Variants in SH3GL1 observed in about 807,000 individuals in gnomAD.
The protein encoded by SH3GL1 is endophilin-A2.
SH3GL1 carries 21 observed loss-of-function variants against 48.8 expected under a neutral mutation model. That is an observed-to-expected ratio of 0.43 (90% CI 0.30 to 0.62). The LOEUF (loss-of-function observed/expected upper bound fraction) is 0.62. Ranked by LOEUF, SH3GL1 falls within the 20% of genes least tolerant of loss-of-function variation. SH3GL1 has a pLI of 0.11. For synonymous variants in SH3GL1, 282 were observed against 217.5 expected, an observed-to-expected ratio of 1.30 and a Z score of -2.61; for missense variants, 454 against 503.0, an observed-to-expected ratio of 0.90 and a Z score of 0.93.
At chr19:4,361,821 G>A (rs1568405073) in intron 9 of SH3GL1, 25 bp from the exon 10 acceptor site, 5 of 1,540,702 alleles carry the variant, frequency 3.2e-6, no homozygotes, top group Non-Finnish European at 2.7e-6. Context: ...GGGCTGTGGG[G>A]CTGGGGCTGC....
intron 1 of SH3GL1, among the ~76,000 whole-genome samples, chr19:4,388,716 G>A (rs1437247047): frequency 6.6e-6 from 1 of 152,242 alleles, no homozygotes; most frequent in Non-Finnish European, 1.5e-5. Context: ...GCCCAGCCGG[G>A]CAGCAGCAGG....
intron 1 of SH3GL1, among the ~76,000 whole-genome samples, chr19:4,374,276 G>A (rs1048875805): frequency 6.6e-6 from 1 of 152,216 alleles, no homozygotes; most frequent in Non-Finnish European, 1.5e-5. Context: ...AAATTGCTCA[G>A]CGGTGGCCAC....
At chr19:4,375,011 C>T (rs1348521356) in intron 1 of SH3GL1, among the ~76,000 whole-genome samples, 1 of 152,186 alleles carries the variant, frequency 6.6e-6, no homozygotes, top group Admixed American at 6.5e-5. Flanking sequence ...AGCCCTGGGG[C>T]TCCCATCACC....
rs534341506 is a variant in SH3GL1 at position 4,396,261 on chromosome 19, T to C, written c.45+4063A>G. ...AAAATACAAAAAAATTAGCGGGGCA[T>C]GGTGGTGGGTGCCTGTAATCGCAGC... On this transcript the variant is annotated intron_variant, in intron 1 of 9. Transcript: ENST00000269886. 3.2e-4 allele frequency among the ~76,000 whole-genome samples: 48 copies of C among 151,978 alleles called. 1 individual carries two copies. Among genetic ancestry groups the C allele is most frequent in the African/African-American group, 1.1e-3 (46 of 41,458 alleles).
chr19:4,391,061 G>A (rs1973329125), intron 1 of SH3GL1, among the ~76,000 whole-genome samples: 1 of 152,234 alleles, frequency 6.6e-6, no homozygotes, highest in Non-Finnish European at 1.5e-5. Flanking sequence ...TGGACACAGA[G>A]ACACAGGCAG....
chr19:4,365,149 T>A (rs1433420002), intron 4 of SH3GL1, among the ~76,000 whole-genome samples: 1 of 152,040 alleles, frequency 6.6e-6, no homozygotes, highest in African/African-American at 2.4e-5. Flanking sequence ...TCCGAATCGA[T>A]GCTGGACGTT....
intron 1 of SH3GL1, among the ~76,000 whole-genome samples, chr19:4,368,333 A>G (rs1257420042): frequency 6.6e-6 from 1 of 152,132 alleles, no homozygotes; most frequent in Non-Finnish European, 1.5e-5. Flanking sequence ...GGAGGAAGTG[A>G]CCCAAGAGCA....
At position 4,369,728 on chromosome 19, in the gene SH3GL1, G is replaced by C. The variant is rs567989494; in HGVS notation, c.46-2734C>G. ...AACCCCCACAACCGCCTGACTCCTC[G>C]CACCCCTGACACCCGGGAGGCTGTG... On this transcript the variant is annotated intron_variant, in intron 1 of 9. Coordinates refer to ENST00000269886, the MANE Select transcript of SH3GL1 (RefSeq NM_003025.4). Among the ~76,000 whole-genome samples the C allele has an allele frequency of 1.5e-3, 230 of 152,304 alleles. 2 individuals are homozygous for C. Among genetic ancestry groups the C allele is most frequent in the African/African-American group, 5.2e-3 (218 of 41,568 alleles).
intron 1 of SH3GL1, among the ~76,000 whole-genome samples, chr19:4,397,533 A>G (rs545941178): frequency 1.6e-4 from 24 of 152,322 alleles, no homozygotes; most frequent in African/African-American, 5.5e-4. Context: ...GGTGGCTTCC[A>G]GAGACCTGTC....
chr19:4,386,501 CTTT>C (rs960946256), intron 1 of SH3GL1, among the ~76,000 whole-genome samples: 5 of 130,814 alleles, frequency 3.8e-5, no homozygotes, highest in Non-Finnish European at 4.9e-5. Context: ...TTCTTTTTCA[CTTT>C]TTTTTTTTTT....
intron 1 of SH3GL1, among the ~76,000 whole-genome samples, chr19:4,369,873 G>A (rs1049032334): frequency 1.3e-5 from 2 of 152,222 alleles, no homozygotes; most frequent in Non-Finnish European, 2.9e-5. Flanking sequence ...TCTCTCCAAG[G>A]CTTATGGGCT....
Position 4,361,537 on chromosome 19 carries a change from A to G in SH3GL1, c.*63T>C, listed in dbSNP as rs1164366931. 5 of 1,295,816 alleles carry G rather than the reference A, an allele frequency of 3.9e-6. No homozygotes were observed. The highest frequency in any genetic ancestry group is 5.4e-6 in the Non-Finnish European group (5 of 929,958). The allele number at this position is 1,295,816 out of a possible 1,614,324, so 80.3% of individuals were successfully genotyped here. ...TGGCAGCAGGGGCTCCGTGGAATGC[A>G]GGAGACCCAGCAGGGGGTGCCGGCC... On this transcript the variant is annotated 3_prime_UTR_variant, in exon 10 of 10. Transcript: ENST00000269886.
intron 1 of SH3GL1, among the ~76,000 whole-genome samples, chr19:4,372,153 A>T (rs1972915682): frequency 6.6e-6 from 1 of 152,200 alleles, no homozygotes; most frequent in Non-Finnish European, 1.5e-5. Context: ...CCCAGGACAA[A>T]GCATGGGTTG....
chr19:4,387,816 G>A (rs573994563), intron 1 of SH3GL1, among the ~76,000 whole-genome samples: 2 of 151,992 alleles, frequency 1.3e-5, no homozygotes, highest in East Asian at 1.9e-4. Flanking sequence ...CCCGAGTAGC[G>A]GGGATTACAG....
At chr19:4,383,906 T>A (rs1271052607) in intron 1 of SH3GL1, among the ~76,000 whole-genome samples, 1 of 152,194 alleles carries the variant, frequency 6.6e-6, no homozygotes, top group Non-Finnish European at 1.5e-5. Flanking sequence ...GAGAAGGCAG[T>A]GTGGCTTTGT....
In SH3GL1 at chr19:4,363,361, T is replaced by C. The variant is rs1972677189; in HGVS notation, c.728+9A>G. On this transcript the variant is annotated intron_variant, in intron 7 of 9. Transcript: ENST00000269886. ...CCAGACTCTGGAGAGACCAAGGCCC[T>C]GGGCTCACCTGCGCTTGAGCTTCTC... The C allele has an allele frequency of 5.7e-6, 9 of 1,588,826 alleles. No individual in the cohort carries two copies. Among genetic ancestry groups the C allele is most frequent in the South Asian group, 1.1e-5 (1 of 87,652 alleles).
intron 8 of SH3GL1, 84 bp from the exon 9 acceptor site, chr19:4,362,469 C>A: frequency 4.5e-6 from 7 of 1,571,296 alleles, no homozygotes; most frequent in Non-Finnish European, 6.1e-6. Flanking sequence ...CCAGCCCTTC[C>A]CGTCTGCCTT....
rs1258729367 is a variant in SH3GL1 at position 4,361,245 on chromosome 19, TGG to T, written c.*353_*354del. On this transcript the variant is annotated 3_prime_UTR_variant, in exon 10 of 10. Coordinates refer to ENST00000269886, the MANE Select transcript of SH3GL1 (RefSeq NM_003025.4). Reference sequence around the variant, plus strand: ...GGCCCCCGTCGGGTCAGGACGGAGGTGGGGGCTGCCCCAGAGGAACATTAGTG... The same window carrying T: ...GGCCCCCGTCGGGTCAGGACGGAGGTGGGCTGCCCCAGAGGAACATTAGTG... 1.2e-5 allele frequency: 4 copies of T among 344,536 alleles called. No homozygotes were observed. Among genetic ancestry groups the T allele is most frequent in the African/African-American group, 8.4e-5 (4 of 47,794 alleles). 21.3% of individuals were successfully genotyped at this position (344,536 alleles called of 1,614,324 possible).
chr19:4,369,189 TC>T (rs1183436401), intron 1 of SH3GL1, among the ~76,000 whole-genome samples: 2 of 152,234 alleles, frequency 1.3e-5, no homozygotes, highest in African/African-American at 4.8e-5. Flanking sequence ...GGGGCTGCCC[TC>T]CATTTCTGCT....
Sources: allele counts gnomAD v4.1 joint callset (sites outside exome capture counted in the v4.1 genomes callset), GRCh38; gene constraint gnomAD v4.1.1; transcripts MANE v1.5; gene names NCBI Gene and HGNC (gene_info 2026-07-23, HGNC 2026-07-21).